DLG2: variants seen among roughly 807,000 people sequenced by gnomAD.
The protein encoded by DLG2 is discs large MAGUK scaffold protein 2.
Under a neutral mutation model 132.5 loss-of-function variants are expected in DLG2, and 45 were observed. The observed-to-expected ratio is 0.34, with a 90% confidence interval of 0.27 to 0.44. The LOEUF is 0.44. Among genes scored for constraint, DLG2 ranks in the 20% least tolerant of loss-of-function variants. The pLI is 1.00. For synonymous variants in DLG2, 424 were observed against 419.6 expected (o/e 1.01, Z -0.13); for missense variants, 1,045 against 1,196.9 (o/e 0.87, Z 1.87).
intron 8 of DLG2, among the ~76,000 whole-genome samples, chr11:84,217,348 G>C (rs975521456): frequency 2.0e-5 from 3 of 152,262 alleles, no homozygotes; most frequent in Admixed American, 2.0e-4. Context: ...CTATTCTCGT[G>C]ATAGTGAATA....
intron 4 of DLG2, among the ~76,000 whole-genome samples, chr11:85,277,435 G>T (rs988988700): frequency 6.6e-6 from 1 of 152,048 alleles, no homozygotes; most frequent in Non-Finnish European, 1.5e-5. Flanking sequence ...AGTATTTCTG[G>T]TAAGTATGAA....
At chr11:84,138,915 T>C (rs1258882438) in intron 9 of DLG2, among the ~76,000 whole-genome samples, 1 of 120,930 alleles carries the variant, frequency 8.3e-6, no homozygotes, top group Non-Finnish European at 1.6e-5. Context: ...TGCCACTGCA[T>C]CCCAAACTGC....
intron 4 of DLG2, among the ~76,000 whole-genome samples, chr11:85,233,566 T>G (rs1042870279): frequency 9.2e-5 from 14 of 151,876 alleles, no homozygotes; most frequent in African/African-American, 3.4e-4. Flanking sequence ...ATTCTAAAAG[T>G]TTTGTCAATG....
chr11:84,610,265 T>A (rs1255547711), intron 6 of DLG2, among the ~76,000 whole-genome samples: 2 of 152,070 alleles, frequency 1.3e-5, no homozygotes, highest in Non-Finnish European at 2.9e-5. Context: ...CATATTAATA[T>A]CATAAAATTA....
At chr11:84,521,189 C>T (rs953276003) in intron 7 of DLG2, among the ~76,000 whole-genome samples, 4 of 152,176 alleles carry the variant, frequency 2.6e-5, no homozygotes, top group Admixed American at 6.5e-5. Context: ...GTTGGTCTAG[C>T]GTCAACAACC....
intron 18 of DLG2, among the ~76,000 whole-genome samples, chr11:83,654,643 C>CTCTA (rs1201488863): frequency 6.6e-6 from 1 of 152,164 alleles, no homozygotes; most frequent in Non-Finnish European, 1.5e-5. Context: ...GGAGGACACA[C>CTCTA]TCTAGAAGGA....
At chr11:85,477,691 AAAAGC>A (rs758668675) in intron 3 of DLG2, among the ~76,000 whole-genome samples, 1 of 152,210 alleles carries the variant, frequency 6.6e-6, no homozygotes, top group Admixed American at 6.5e-5. Flanking sequence ...ATGCTATGAG[AAAAGC>A]TCCAAATTAT....
At position 83,779,625 on chromosome 11, in the gene DLG2, C is replaced by A. The variant is rs190546363; in HGVS notation, c.1825+7065G>T. Among the ~76,000 whole-genome samples the A allele has an allele frequency of 8.3e-4, 126 of 152,240 alleles. 1 individual carries two copies. In the East Asian group the frequency reaches 0.022, roughly 27 times the overall value. Reference sequence around the variant, plus strand: ...AGGAAATTACTAACTGCTCAGCTAGCCTCAGCTTTAACAGCTATACCAATT... The same window carrying A: ...AGGAAATTACTAACTGCTCAGCTAGACTCAGCTTTAACAGCTATACCAATT... On this transcript the variant is annotated intron_variant, in intron 18 of 27. Transcript: ENST00000376104.
chr11:85,512,572 G>T (rs1017436164), intron 3 of DLG2, among the ~76,000 whole-genome samples: 2 of 151,954 alleles, frequency 1.3e-5, no homozygotes, highest in Admixed American at 6.6e-5. Context: ...GTCAAAAATG[G>T]ATAAAACCAT....
At position 84,741,128 on chromosome 11, in the gene DLG2, G is replaced by A. The variant is rs571671927; in HGVS notation, c.358-206397C>T. On this transcript the variant is annotated intron_variant, in intron 6 of 27. Coordinates refer to ENST00000376104, the MANE Select transcript of DLG2 (RefSeq NM_001142699.3). ...GTCGCCCAGGCGGGAGTGCTGTGGC[G>A]CGATCTCCGCTCACTGCAAGCTCCG... 9.0e-5 allele frequency among the ~76,000 whole-genome samples: 13 copies of A among 144,040 alleles called. No individual in the cohort carries two copies. In the East Asian group the frequency reaches 1.5e-3, roughly 17 times the overall value. The allele number at this position is 144,040 out of a possible 152,430, so 94.5% of individuals were successfully genotyped here.
intron 6 of DLG2, among the ~76,000 whole-genome samples, chr11:85,111,278 A>C (rs998124338): frequency 6.6e-6 from 1 of 152,152 alleles, no homozygotes; most frequent in African/African-American, 2.4e-5. Flanking sequence ...TGTGCTCATG[A>C]CTATTAAGCA....
intron 6 of DLG2, among the ~76,000 whole-genome samples, chr11:84,692,352 G>C (rs916196710): frequency 2.6e-5 from 4 of 151,554 alleles, no homozygotes; most frequent in African/African-American, 9.7e-5. Context: ...AAACTCTTTT[G>C]AAAGTTCTGG....
rs183343683 is a variant in DLG2, at chr11:84,831,684, C to G, written c.357+279977G>C. Among the ~76,000 whole-genome samples, 220 of 151,828 alleles carry G rather than the reference C, an allele frequency of 1.4e-3. 1 individual carries two copies. Among genetic ancestry groups the G allele is most frequent in the African/African-American group, 5.2e-3 (214 of 41,526 alleles). On this transcript the variant is annotated intron_variant, in intron 6 of 27. Coordinates refer to ENST00000376104, the MANE Select transcript of DLG2 (RefSeq NM_001142699.3). ...CAACACTGCCTAATAAACATCTACA[C>G]TCTGCATTTCTGGCTGCCTTTACCA... is the stretch of plus-strand genomic sequence containing the variant.
chr11:83,665,812 G>T (rs149463636), intron 18 of DLG2, among the ~76,000 whole-genome samples: 1 of 151,942 alleles, frequency 6.6e-6, no homozygotes, highest in South Asian at 2.1e-4. Context: ...TTTAGAGAAC[G>T]GGGAATGCGT....
intron 6 of DLG2, among the ~76,000 whole-genome samples, chr11:84,821,672 T>C (rs1484084957): frequency 6.7e-6 from 1 of 150,092 alleles, no homozygotes; most frequent in Non-Finnish European, 1.5e-5. Context: ...AAAAAACAAC[T>C]TTGGTTAAAC....
At chr11:85,264,097 G>T (rs914325287) in intron 4 of DLG2, among the ~76,000 whole-genome samples, 1 of 152,120 alleles carries the variant, frequency 6.6e-6, no homozygotes, top group African/African-American at 2.4e-5. Context: ...CAGGTTTGTG[G>T]TTAGCTGTCT....
intron 6 of DLG2, among the ~76,000 whole-genome samples, chr11:85,092,481 C>T (rs2068945510): frequency 6.6e-6 from 1 of 151,938 alleles, no homozygotes; most frequent in Admixed American, 6.5e-5. Context: ...GAGAAACATA[C>T]AAAAACATGA....
At chr11:85,239,019 C>T (rs2075743379) in intron 4 of DLG2, among the ~76,000 whole-genome samples, 1 of 151,814 alleles carries the variant, frequency 6.6e-6, no homozygotes, top group South Asian at 2.1e-4. Context: ...CATATGGTTC[C>T]CATGGTGTTA....
At chr11:84,273,309 A>G in intron 7 of DLG2, 1 of 1,081,042 alleles carries the variant, frequency 9.3e-7, no homozygotes, top group Non-Finnish European at 1.2e-6. Flanking sequence ...TGAAGAGGAA[A>G]AAAAAAAAAA....
Sources: allele counts gnomAD v4.1 joint callset (sites outside exome capture counted in the v4.1 genomes callset), GRCh38; gene constraint gnomAD v4.1.1; transcripts MANE v1.5; gene names NCBI Gene and HGNC (gene_info 2026-07-23, HGNC 2026-07-21).